Variants in GPC6 observed in about 807,000 individuals in gnomAD.
The protein encoded by GPC6 is glypican-6.
Under a neutral mutation model 55.2 loss-of-function variants are expected in GPC6, and 14 were observed. The ratio of observed to expected loss-of-function variants is 0.25; its 90% CI spans 0.17 to 0.40. GPC6 has a LOEUF of 0.40. Among genes scored for constraint, GPC6 ranks in the 10% least tolerant of loss-of-function variants. The pLI is 1.00. For missense variants in GPC6, 641 were observed against 708.5 expected (o/e 0.90, Z 1.08); for synonymous variants, 278 against 259.6 (o/e 1.07, Z -0.68).
intron 4 of GPC6, among the ~76,000 whole-genome samples, chr13:94,156,482 C>T (rs1338642788): frequency 6.6e-6 from 1 of 152,048 alleles, no homozygotes; most frequent in African/African-American, 2.4e-5. Flanking sequence ...ACAGGTACAC[C>T]TATAGAGTGA....
intron 1 of GPC6, among the ~76,000 whole-genome samples, chr13:93,318,549 A>G (rs1051518334): frequency 2.0e-5 from 3 of 152,154 alleles, no homozygotes; most frequent in Non-Finnish European, 4.4e-5. Context: ...GGAAAAAAGG[A>G]TAGAAACATA....
intron 1 of GPC6, among the ~76,000 whole-genome samples, chr13:93,439,704 T>C (rs990677321): frequency 6.7e-6 from 1 of 149,124 alleles, no homozygotes; most frequent in Non-Finnish European, 1.5e-5. Flanking sequence ...AAAAATAAAA[T>C]AAAATAAAAT....
At chr13:93,455,853 T>C (rs1878433116) in intron 1 of GPC6, among the ~76,000 whole-genome samples, 1 of 152,174 alleles carries the variant, frequency 6.6e-6, no homozygotes. Context: ...CTCTCAAATA[T>C]CAAGCATCTA....
At chr13:93,305,422 T>C (rs1206551711) in intron 1 of GPC6, among the ~76,000 whole-genome samples, 1 of 152,022 alleles carries the variant, frequency 6.6e-6, no homozygotes, top group Non-Finnish European at 1.5e-5. Context: ...GAGAACAGGA[T>C]TGGTGATTAT....
At chr13:93,864,574 G>A (rs1888905461) in intron 3 of GPC6, among the ~76,000 whole-genome samples, 1 of 151,688 alleles carries the variant, frequency 6.6e-6, no homozygotes, top group Non-Finnish European at 1.5e-5. Flanking sequence ...GCACTCCAGA[G>A]GATGTAACAG....
chr13:94,288,441 C>G (rs1485364719), intron 5 of GPC6, among the ~76,000 whole-genome samples: 1 of 151,916 alleles, frequency 6.6e-6, no homozygotes, highest in Non-Finnish European at 1.5e-5. Flanking sequence ...TGTCCCCAGT[C>G]TCCCACTTTG....
chr13:93,545,526 C>T (rs1874742226), intron 2 of GPC6, 105 bp downstream of exon 2: 2 of 935,024 alleles, frequency 2.1e-6, no homozygotes, highest in Admixed American at 3.5e-5. Context: ...TTTTCTATCC[C>T]TCTTAAATAT....
intron 1 of GPC6, among the ~76,000 whole-genome samples, chr13:93,339,958 T>C (rs1310862789): frequency 6.6e-6 from 1 of 151,870 alleles, no homozygotes; most frequent in East Asian, 1.9e-4. Flanking sequence ...ATGTTTATTG[T>C]ATAAGTGTGC....
rs184047050 is a variant in GPC6 at position 93,635,855 on chromosome 13, A to G, written c.319+90434A>G. Among the ~76,000 whole-genome samples the G allele has an allele frequency of 7.9e-5, 12 of 152,314 alleles. No homozygotes were observed. The East Asian group carries it at 2.3e-3, about 29-fold the overall frequency. On this transcript the variant is annotated intron_variant, in intron 2 of 8. Coordinates refer to ENST00000377047, the MANE Select transcript of GPC6 (RefSeq NM_005708.5). Reference sequence around the variant, plus strand: ...TTGGTGGATGAGCTCCAGGGCTAACAGAGCCTGCGGTTTGTAGTGTTCCTA... The same window carrying G: ...TTGGTGGATGAGCTCCAGGGCTAACGGAGCCTGCGGTTTGTAGTGTTCCTA...
chr13:93,785,155 C>G (rs918249096), intron 2 of GPC6, among the ~76,000 whole-genome samples: 1 of 151,876 alleles, frequency 6.6e-6, no homozygotes, highest in Non-Finnish European at 1.5e-5. Context: ...GCTAAAATTA[C>G]GATTCTAGGT....
At chr13:93,383,328 C>T (rs1479106898) in intron 1 of GPC6, among the ~76,000 whole-genome samples, 3 of 152,174 alleles carry the variant, frequency 2.0e-5, no homozygotes, top group Non-Finnish European at 4.4e-5. Flanking sequence ...CCTTTCACCT[C>T]AGTCTCCGGA....
intron 1 of GPC6, among the ~76,000 whole-genome samples, chr13:93,456,945 G>A (rs1178264904): frequency 6.6e-6 from 1 of 152,092 alleles, no homozygotes; most frequent in East Asian, 1.9e-4. Flanking sequence ...ATTGAATCAT[G>A]GCAGTGGTTT....
chr13:93,720,198 A>G (rs1883402690), intron 2 of GPC6, among the ~76,000 whole-genome samples: 1 of 151,650 alleles, frequency 6.6e-6, no homozygotes, highest in African/African-American at 2.4e-5. Flanking sequence ...TTTGGCTGTG[A>G]ATCTGTCTGG....
chr13:93,918,390 G>T (rs1425163306), intron 3 of GPC6, among the ~76,000 whole-genome samples: 1 of 152,064 alleles, frequency 6.6e-6, no homozygotes, highest in Non-Finnish European at 1.5e-5. Flanking sequence ...TTAGGGATGA[G>T]CAAAGAGGGC....
At chr13:93,438,247 G>T (rs188319938) in intron 1 of GPC6, among the ~76,000 whole-genome samples, 3 of 152,254 alleles carry the variant, frequency 2.0e-5, no homozygotes, top group African/African-American at 7.2e-5. Context: ...TACCCATTCT[G>T]CAGCCCATAG....
At chr13:94,346,612 T>TGCGGAAGGCTGAG (rs998834146) in intron 6 of GPC6, among the ~76,000 whole-genome samples, 1 of 150,752 alleles carries the variant, frequency 6.6e-6, no homozygotes, top group African/African-American at 2.4e-5. Context: ...ATCCCAGGTA[T>TGCGGAAGGCTGAG]GCGGAAGGCT....
At chr13:94,340,339 G>GA (rs538267466) in intron 6 of GPC6, among the ~76,000 whole-genome samples, 1,511 of 144,526 alleles carry the variant, frequency 0.01, 9 homozygotes, top group Non-Finnish European at 0.015. Context: ...CAAAAATTTA[G>GA]AAAAAAAAAA....
At chr13:94,254,244 A>C (rs1223429423) in intron 4 of GPC6, among the ~76,000 whole-genome samples, 1 of 152,184 alleles carries the variant, frequency 6.6e-6, no homozygotes, top group African/African-American at 2.4e-5. Flanking sequence ...ATTGCCAAAA[A>C]GCCTATGACC....
intron 1 of GPC6, among the ~76,000 whole-genome samples, chr13:93,412,849 C>G (rs1876561945): frequency 6.6e-6 from 1 of 152,138 alleles, no homozygotes. Context: ...TAATTATTTA[C>G]TTGTGTGTGA....
Sources: gnomAD v4.1 joint callset for allele counts (sites outside exome capture counted in the v4.1 genomes callset) on GRCh38, gnomAD v4.1.1 for gene constraint, MANE v1.5 for transcripts, NCBI Gene and HGNC (gene_info 2026-07-23, HGNC 2026-07-21) for gene names.